RDX: variants seen among roughly 807,000 people sequenced by gnomAD.
RDX encodes the protein radixin.
Under a neutral mutation model 83.7 loss-of-function variants are expected in RDX, and 32 were observed. The observed-to-expected ratio is 0.38, with a 90% CI of 0.29 to 0.51. RDX has a LOEUF of 0.51. Ranked by LOEUF, RDX falls within the 20% of genes least tolerant of loss-of-function variation. RDX has a pLI of 0.87. For missense variants in RDX, 600 were observed against 689.9 expected (o/e 0.87, Z 1.46); for synonymous variants, 229 against 222.7 (o/e 1.03, Z -0.25).
At chr11:110,225,008 C>A (rs542748721), downstream of RDX, among the ~76,000 whole-genome samples, 8 of 152,300 alleles carry the variant, frequency 5.3e-5, no homozygotes, top group East Asian at 1.3e-3. Flanking sequence ...ACATAGGATT[C>A]AAGGCTCCAT....
At chr11:110,232,092 G>T in intron 13 of RDX, 59 bp from the exon 14 acceptor site, 1 of 1,364,574 alleles carries the variant, frequency 7.3e-7, no homozygotes, top group East Asian at 2.5e-5. Context: ...AAAAATTTAT[G>T]AAAATGGCTT....
rs1006074653 is a variant in RDX at position 110,260,231 on chromosome 11, C to T, written c.468-2042G>A. ...GAACTCCCAGCCTCAGGTGATCCGCCCACCTCGGCCTCCCAAAGTGCTGGG... is the reference window on the plus strand; with the variant it reads ...GAACTCCCAGCCTCAGGTGATCCGCTCACCTCGGCCTCCCAAAGTGCTGGG... On this transcript the variant is annotated intron_variant, in intron 5 of 13. Coordinates refer to ENST00000645495, the MANE Select transcript of RDX (RefSeq NM_002906.4). Among the ~76,000 whole-genome samples the T allele has an allele frequency of 7.2e-5, 11 of 152,210 alleles. No homozygotes were observed. The South Asian group carries it at 2.3e-3, about 32-fold the overall frequency.
At chr11:110,192,976 A>T (rs1228104869) in intron 15 of RDX, among the ~76,000 whole-genome samples, 1 of 152,234 alleles carries the variant, frequency 6.6e-6, no homozygotes, top group African/African-American at 2.4e-5. Context: ...CAAAGAACTT[A>T]AAACAGAACT....
At chr11:110,205,431 C>CAAAAAAAAA (rs35103862) in intron 14 of RDX, among the ~76,000 whole-genome samples, 1 of 47,068 alleles carries the variant, frequency 2.1e-5, no homozygotes, top group African/African-American at 8.5e-5. Context: ...TTTACCTATC[C>CAAAAAAAAA]AAAAAAAAAA....
intron 1 of RDX, among the ~76,000 whole-genome samples, chr11:110,287,483 C>T (rs987047823): frequency 8.5e-5 from 13 of 152,136 alleles, no homozygotes; most frequent in African/African-American, 2.9e-4. Flanking sequence ...CATAGGTCCC[C>T]GGGTTTAAAA....
At chr11:110,277,414 G>T (rs899064143) in intron 2 of RDX, among the ~76,000 whole-genome samples, 2 of 152,158 alleles carry the variant, frequency 1.3e-5, no homozygotes, top group African/African-American at 4.8e-5. Flanking sequence ...TCGCCTCCTG[G>T]ATTCAAGCGA....
intron 15 of RDX, among the ~76,000 whole-genome samples, chr11:110,177,924 G>A (rs1482430849): frequency 1.3e-5 from 2 of 151,768 alleles, no homozygotes; most frequent in South Asian, 2.1e-4. Context: ...TGCCCTCCCC[G>A]ACACTCCCCC....
At chr11:110,277,853 A>C (rs1267677137) in intron 2 of RDX, among the ~76,000 whole-genome samples, 1 of 152,194 alleles carries the variant, frequency 6.6e-6, no homozygotes, top group East Asian at 1.9e-4. Context: ...TCTGTGTATT[A>C]CATAACAAAT....
intron 1 of RDX, among the ~76,000 whole-genome samples, chr11:110,290,348 T>C (rs1861183523): frequency 6.6e-6 from 1 of 151,838 alleles, no homozygotes; most frequent in Admixed American, 6.6e-5. Flanking sequence ...AGACCCCGTG[T>C]CTACAAAAAA....
chr11:110,177,959 G>A (rs1862809935), intron 15 of RDX, among the ~76,000 whole-genome samples: 2 of 152,010 alleles, frequency 1.3e-5, no homozygotes, highest in South Asian at 4.2e-4. Context: ...CACACACCCT[G>A]CCTCTCTGAT....
chr11:110,265,627 C>G (rs1860007024), intron 3 of RDX, among the ~76,000 whole-genome samples: 1 of 152,048 alleles, frequency 6.6e-6, no homozygotes, highest in Non-Finnish European at 1.5e-5. Flanking sequence ...CTGATATATT[C>G]CATGTTCTAC....
At chr11:110,295,915 C>CA (rs1861436912) in intron 1 of RDX, among the ~76,000 whole-genome samples, 1 of 152,218 alleles carries the variant, frequency 6.6e-6, no homozygotes, top group African/African-American at 2.4e-5. Flanking sequence ...TGTCATGCAA[C>CA]ATCCCCTTTG....
intron 5 of RDX, among the ~76,000 whole-genome samples, chr11:110,259,519 C>T (rs1016278855): frequency 7.9e-5 from 12 of 152,346 alleles, no homozygotes; most frequent in Admixed American, 2.6e-4. Context: ...AAGTTACCTA[C>T]TACTTAGAGT....
rs76425986 is a variant in RDX, at chr11:110,242,456, A to C, written c.1091-4804T>G. Among the ~76,000 whole-genome samples, 8 of 150,918 alleles carry C rather than the reference A, an allele frequency of 5.3e-5. No homozygotes were observed. The East Asian group carries it at 1.6e-3, about 29-fold the overall frequency. On this transcript the variant is annotated intron_variant, in intron 10 of 13. Coordinates refer to ENST00000645495, the MANE Select transcript of RDX (RefSeq NM_002906.4). ...TCTCAAAAAATTTAAAAAAAAAAAAATTAAAAAAAAAAAAAGCCAAAAACC... is the reference window on the plus strand; with the variant it reads ...TCTCAAAAAATTTAAAAAAAAAAAACTTAAAAAAAAAAAAAGCCAAAAACC...
chr11:110,235,580 A>T (rs886143925), intron 12 of RDX, among the ~76,000 whole-genome samples: 7 of 152,186 alleles, frequency 4.6e-5, no homozygotes, highest in Admixed American at 4.6e-4. Context: ...TCTAAGCCCC[A>T]AGTCAATCGA....
At position 110,190,855 on chromosome 11, in the gene RDX, T is replaced by A. The variant is rs1157849834; in HGVS notation, c.*31+8726A>T. On this transcript the variant is annotated intron_variant, in intron 15 of 15. Coordinates refer to the RDX transcript ENST00000528498. The stretch of plus-strand genomic sequence containing the variant: ...AGAAAATCAAGAGGAGATGGATAAA[T>A]TCTTGGATGCACATAACCTCCCAAG... Among the ~76,000 whole-genome samples the A allele has an allele frequency of 2.6e-5, 4 of 152,218 alleles. No individual in the cohort carries two copies. In the East Asian group the frequency reaches 7.7e-4, roughly 29 times the overall value.
intron 15 of RDX, among the ~76,000 whole-genome samples, chr11:110,191,640 G>T (rs1426959565): frequency 6.6e-6 from 1 of 152,214 alleles, no homozygotes; most frequent in African/African-American, 2.4e-5. Context: ...TAAATCACCT[G>T]AGGTCATGAG....
intron 3 of RDX, among the ~76,000 whole-genome samples, chr11:110,271,680 G>GACTA (rs1417519365): frequency 5.3e-5 from 8 of 152,020 alleles, no homozygotes; most frequent in Admixed American, 6.6e-5. Flanking sequence ...CTCCACAGGT[G>GACTA]ACTAATACGC....
At chr11:110,207,475 T>C (rs1450844101) in intron 14 of RDX, among the ~76,000 whole-genome samples, 1 of 152,158 alleles carries the variant, frequency 6.6e-6, no homozygotes, top group Non-Finnish European at 1.5e-5. Context: ...CATCAAAATA[T>C]TAATAGTCAT....
Sources: gnomAD v4.1 joint callset for allele counts (sites outside exome capture counted in the v4.1 genomes callset) on GRCh38, gnomAD v4.1.1 for gene constraint, MANE v1.5 for transcripts, NCBI Gene and HGNC (gene_info 2026-07-23, HGNC 2026-07-21) for gene names.